The following EFCAB13 variants were observed in gnomAD, a reference collection of about 807,000 sequenced individuals.
EFCAB13 encodes the protein EF-hand calcium-binding domain-containing protein 13.
In EFCAB13, 91 loss-of-function variants were observed where a neutral mutation model predicts 110.2. The observed-to-expected ratio is 0.83, with a 90% CI of 0.70 to 0.98. The LOEUF is 0.98. Ranked by LOEUF, EFCAB13 falls within the 50% of genes least tolerant of loss-of-function variation. EFCAB13 has a pLI of 0.00. For missense variants in EFCAB13, 968 were observed against 1,119.4 expected, an observed-to-expected ratio of 0.86 and a Z score of 1.93; for synonymous variants, 323 against 369.9, an observed-to-expected ratio of 0.87 and a Z score of 1.45.
At chr17:47,338,245 T>G (rs2065362714) in intron 5 of EFCAB13, among the ~76,000 whole-genome samples, 2 of 31,312 alleles carry the variant, frequency 6.4e-5, no homozygotes, top group African/African-American at 2.1e-4. Flanking sequence ...CACTACTAGT[T>G]TTTTTTTTTT....
At chr17:47,340,758 C>G (rs1021537958) in intron 5 of EFCAB13, among the ~76,000 whole-genome samples, 3 of 144,922 alleles carry the variant, frequency 2.1e-5, no homozygotes, top group Non-Finnish European at 4.5e-5. Context: ...CACCACCACA[C>G]CTGGCTAATT....
At position 47,429,818 on chromosome 17, in the gene EFCAB13, C is replaced by T; in HGVS notation, c.2495C>T (p.Ala832Val). 1 of 1,589,142 alleles carries T rather than the reference C, an allele frequency of 6.3e-7. No homozygotes were observed. The highest frequency in any genetic ancestry group is 8.6e-7 in the Non-Finnish European group (1 of 1,164,020). ...ATTTGCTTTTGCTCTCCTTTTGCAG[C>T]TACACAGATACTCTTAGCTACTACC... ...KESPHFQKSK[A>V]TQILLATTQI... The change falls in exon 24 of 25, where the codon GCT becomes GTT. Residue 832 changes from alanine to valine, a missense_variant and splice_region_variant. By Grantham distance (64) the Ala-to-Val change is moderately conservative. Transcript: ENST00000331493.
intron 4 of EFCAB13, among the ~76,000 whole-genome samples, chr17:47,330,763 T>C (rs1437380381): frequency 2.0e-5 from 3 of 152,166 alleles, no homozygotes; most frequent in Non-Finnish European, 2.9e-5. Flanking sequence ...TAAACATATA[T>C]GTGTAGGTTT....
Position 47,361,521 on chromosome 17 carries a change from AGTG to A in EFCAB13, c.805+1_805+3del. The A allele has an allele frequency of 5.4e-6, 2 of 369,030 alleles. No homozygotes were observed. The highest frequency in any genetic ancestry group is 4.2e-6 in the Non-Finnish European group (1 of 239,752). 22.9% of individuals were successfully genotyped at this position (369,030 alleles called of 1,614,324 possible). A position where few individuals can be genotyped will look rare whatever the true frequency, so the allele number is the denominator to read the frequency against. ...AGTGACAAAACATACCTATATTGAC[AGTG>A]AGTTATTTGCATTGAGATATATATG... On this transcript the variant is annotated splice_donor_variant and splice_donor_region_variant and intron_variant, in intron 10 of 24. Transcript: ENST00000331493. LOFTEE classifies it high-confidence loss of function.
At position 47,429,889 on chromosome 17, in the gene EFCAB13, T is replaced by A. The variant is rs750649523; in HGVS notation, c.2566T>A (p.Leu856Ile). The A allele has an allele frequency of 6.2e-7, 1 of 1,613,206 alleles. No individual in the cohort carries two copies. Among genetic ancestry groups the A allele is most frequent in the African/African-American group, 1.3e-5 (1 of 75,012 alleles). ...AGTTGATGTCTCTGACCTCAAGACA[T>A]TATTGATGGACAAGGACCTTCATAC... ...DLVDVSDLKT[L>I]LMDKDLHTAN... Residue 856 changes from leucine (L) to isoleucine (I), a missense_variant, in exon 24 of 25, where the codon TTA becomes ATA. Coordinates refer to ENST00000331493, the MANE Select transcript of EFCAB13 (RefSeq NM_152347.5).
chr17:47,382,812 C>G (rs571399846), intron 14 of EFCAB13, among the ~76,000 whole-genome samples: 1 of 151,972 alleles, frequency 6.6e-6, no homozygotes, highest in Non-Finnish European at 1.5e-5. Context: ...TGAGTTAGAG[C>G]GGAGTCCCCC....
intron 9 of EFCAB13, among the ~76,000 whole-genome samples, chr17:47,358,390 AG>A (rs1168686027): frequency 1.3e-5 from 2 of 152,182 alleles, no homozygotes; most frequent in African/African-American, 4.8e-5. Context: ...CTTGTTTTGC[AG>A]GAACTATCTT....
intron 3 of EFCAB13, among the ~76,000 whole-genome samples, chr17:47,327,706 C>G (rs753788652): frequency 6.6e-6 from 1 of 152,108 alleles, no homozygotes; most frequent in African/African-American, 2.4e-5. Context: ...CCGCCCACCT[C>G]GGCCTCCCAT....
chr17:47,362,092 G>A (rs944611632), intron 10 of EFCAB13, among the ~76,000 whole-genome samples: 1 of 152,066 alleles, frequency 6.6e-6, no homozygotes, highest in Non-Finnish European at 1.5e-5. Context: ...ACCAGGTGCC[G>A]AGGCAAGAGA....
At chr17:47,417,244 ATC>A (rs1567804364) in intron 23 of EFCAB13, among the ~76,000 whole-genome samples, 2 of 152,234 alleles carry the variant, frequency 1.3e-5, no homozygotes, top group Non-Finnish European at 2.9e-5. Context: ...TTGGTTTGCT[ATC>A]TCAGGAGTGG....
chr17:47,377,611 A>G, intron 12 of EFCAB13, 155 bp from the exon 13 acceptor site: 1 of 526,082 alleles, frequency 1.9e-6, no homozygotes, highest in Non-Finnish European at 3.2e-6. Flanking sequence ...ATAATGTAAT[A>G]TAAACAGATA....
At chr17:47,380,199 T>G (rs2065639006) in intron 14 of EFCAB13, among the ~76,000 whole-genome samples, 1 of 152,264 alleles carries the variant, frequency 6.6e-6, no homozygotes, top group Non-Finnish European at 1.5e-5. Flanking sequence ...TCATCTACAT[T>G]AGGTATTTCT....
rs571155871 is a variant in EFCAB13 at position 47,330,706 on chromosome 17, G to A, written c.30+2323G>A. Among the ~76,000 whole-genome samples, 76 of 151,952 alleles carry A rather than the reference G, an allele frequency of 5.0e-4. 1 individual carries two copies. Among genetic ancestry groups the A allele is most frequent in the Non-Finnish European group, 8.5e-4 (58 of 67,906 alleles). Reference sequence around the variant, plus strand: ...TCTTTAACCTCTCATCAGTTGATGGGTACTTAGGTTGGTTCCATACCTTTG... The same window carrying A: ...TCTTTAACCTCTCATCAGTTGATGGATACTTAGGTTGGTTCCATACCTTTG... On this transcript the variant is annotated intron_variant, in intron 4 of 24. Coordinates refer to ENST00000331493, the MANE Select transcript of EFCAB13 (RefSeq NM_152347.5).
At chr17:47,406,539 C>T (rs1404573708) in intron 20 of EFCAB13, among the ~76,000 whole-genome samples, 1 of 152,078 alleles carries the variant, frequency 6.6e-6, no homozygotes, top group African/African-American at 2.4e-5. Flanking sequence ...AGACAGAATT[C>T]CCTCAACTTT....
chr17:47,406,135 C>T (rs560247577), intron 20 of EFCAB13, among the ~76,000 whole-genome samples: 1 of 152,078 alleles, frequency 6.6e-6, no homozygotes, highest in African/African-American at 2.4e-5. Context: ...TTTATTGAGA[C>T]GGAGTCTCAT....
At chr17:47,399,526 A>G (rs913644745) in intron 17 of EFCAB13, among the ~76,000 whole-genome samples, 15 of 152,082 alleles carry the variant, frequency 9.9e-5, no homozygotes, top group Non-Finnish European at 1.9e-4. Flanking sequence ...TCTCTGACCA[A>G]AGTGGGAGAA....
chr17:47,372,269 T>C (rs1567790820), intron 11 of EFCAB13, among the ~76,000 whole-genome samples: 1 of 152,180 alleles, frequency 6.6e-6, no homozygotes. Flanking sequence ...GTGGCTACTC[T>C]GAAGCTTACA....
At chr17:47,420,765 G>A (rs1904654138) in intron 23 of EFCAB13, among the ~76,000 whole-genome samples, 1 of 152,076 alleles carries the variant, frequency 6.6e-6, no homozygotes, top group Non-Finnish European at 1.5e-5. Context: ...CACCCCGTCT[G>A]GGAAGTGAGG....
chr17:47,329,763 CTT>C (rs1035250897), intron 4 of EFCAB13: 1 of 151,920 alleles, frequency 6.6e-6, no homozygotes, highest in African/African-American at 2.4e-5. Context: ...GTTTTTCTGT[CTT>C]TTTAGATTTC....
Sources: gnomAD v4.1 joint callset for allele counts (sites outside exome capture counted in the v4.1 genomes callset) on GRCh38, gnomAD v4.1.1 for gene constraint, MANE v1.5 for transcripts, NCBI Gene and HGNC (gene_info 2026-07-23, HGNC 2026-07-21) for gene names.